Variants in PTPRD observed in about 807,000 individuals in gnomAD.
The protein encoded by PTPRD is protein tyrosine phosphatase receptor type D.
PTPRD carries 34 observed loss-of-function variants against 214.5 expected under a neutral mutation model. The ratio of observed to expected loss-of-function variants is 0.16; its 90% CI spans 0.12 to 0.21. The LOEUF is 0.21. PTPRD is among the 10% of genes least tolerant of loss of function. The probability of loss-of-function intolerance (pLI) is 1.00; values close to 1 mark genes in which losing one functional copy is unlikely to be tolerated. For synonymous variants in PTPRD, 1,128 were observed against 845.7 expected (o/e 1.33, Z -5.79); for missense variants, 2,545 against 2,398.7 (o/e 1.06, Z -1.27).
intron 14 of PTPRD, among the ~76,000 whole-genome samples, chr9:8,616,683 C>A (rs1370392045): frequency 1.3e-5 from 2 of 152,092 alleles, no homozygotes; most frequent in Non-Finnish European, 2.9e-5. Flanking sequence ...AAAGCTACTA[C>A]AATAGATACC....
At chr9:9,421,930 A>G (rs1484007723) in intron 8 of PTPRD, among the ~76,000 whole-genome samples, 3 of 152,122 alleles carry the variant, frequency 2.0e-5, no homozygotes, top group Admixed American at 2.0e-4. Flanking sequence ...ATGGAGAATA[A>G]AAAACAAACA....
chr9:9,344,380 G>A (rs920491559), intron 9 of PTPRD, among the ~76,000 whole-genome samples: 6 of 151,986 alleles, frequency 3.9e-5, no homozygotes, highest in African/African-American at 7.2e-5. Context: ...TAATGCATGC[G>A]GGGCTTAAAA....
intron 33 of PTPRD, among the ~76,000 whole-genome samples, chr9:8,451,250 T>C (rs546171049): frequency 2.0e-5 from 3 of 152,318 alleles, no homozygotes; most frequent in Admixed American, 6.5e-5. Flanking sequence ...CTATTAGACA[T>C]GTTGCTTTCT....
chr9:8,760,199 G>A (rs942252026), intron 11 of PTPRD, among the ~76,000 whole-genome samples: 1 of 152,130 alleles, frequency 6.6e-6, no homozygotes, highest in African/African-American at 2.4e-5. Context: ...CACCGCGCCT[G>A]GCCAGCCTAA....
chr9:10,507,747 T>C (rs1041770831), intron 2 of PTPRD, among the ~76,000 whole-genome samples: 7 of 152,140 alleles, frequency 4.6e-5, no homozygotes, highest in Non-Finnish European at 7.4e-5. Flanking sequence ...GCTAGCCATA[T>C]GTAGAAAGCT....
intron 35 of PTPRD, among the ~76,000 whole-genome samples, chr9:8,423,275 C>G (rs1415458457): frequency 6.6e-6 from 1 of 152,110 alleles, no homozygotes; most frequent in Non-Finnish European, 1.5e-5. Context: ...TTCATTTTAA[C>G]AGAACTAAAA....
intron 9 of PTPRD, among the ~76,000 whole-genome samples, chr9:9,378,823 A>G (rs1432326053): frequency 6.6e-6 from 1 of 152,060 alleles, no homozygotes; most frequent in Non-Finnish European, 1.5e-5. Context: ...TTGCTGATGT[A>G]TCCCTTAAAA....
At chr9:9,551,747 C>G (rs1471748950) in intron 8 of PTPRD, among the ~76,000 whole-genome samples, 1 of 151,900 alleles carries the variant, frequency 6.6e-6, no homozygotes, top group Non-Finnish European at 1.5e-5. Flanking sequence ...ATCTTAGAAC[C>G]CCACAAACTA....
In PTPRD at chr9:8,507,281, G is replaced by A; in HGVS notation, c.1677+20C>T. ...CCACGTAATGAATAATTCCCAAGGT[G>A]AGAAGCACTATAGTCTTACCTCCTC... On this transcript the variant is annotated intron_variant, in intron 22 of 45. Coordinates refer to ENST00000381196, the MANE Select transcript of PTPRD (RefSeq NM_002839.4). The A allele has an allele frequency of 6.2e-7, 1 of 1,607,712 alleles. No homozygotes were observed. The highest frequency in any genetic ancestry group is 8.5e-7 in the Non-Finnish European group (1 of 1,177,612).
chr9:10,064,973 T>A (rs2097848621), intron 3 of PTPRD, among the ~76,000 whole-genome samples: 1 of 151,940 alleles, frequency 6.6e-6, no homozygotes, highest in African/African-American at 2.4e-5. Context: ...GTCTATTCAG[T>A]CAATAGTGAT....
chr9:9,287,967 C>T (rs1950040329), intron 9 of PTPRD, among the ~76,000 whole-genome samples: 1 of 151,348 alleles, frequency 6.6e-6, no homozygotes. Context: ...TTTCCAAACA[C>T]TGAAGCAAAA....
At chr9:9,227,314 G>A (rs967855322) in intron 9 of PTPRD, among the ~76,000 whole-genome samples, 4 of 151,942 alleles carry the variant, frequency 2.6e-5, no homozygotes, top group South Asian at 2.1e-4. Flanking sequence ...TTATTTGCAC[G>A]GTATGGGAGA....
chr9:10,307,796 T>C (rs1397782178), intron 3 of PTPRD, among the ~76,000 whole-genome samples: 2 of 152,018 alleles, frequency 1.3e-5, no homozygotes, highest in African/African-American at 4.8e-5. Flanking sequence ...GTGGTTTGGG[T>C]TGGCATTTTT....
chr9:8,910,618 C>T (rs2098740491), intron 11 of PTPRD, among the ~76,000 whole-genome samples: 1 of 152,054 alleles, frequency 6.6e-6, no homozygotes, highest in African/African-American at 2.4e-5. Context: ...AATGTGCTCC[C>T]TCAACCTTGA....
intron 11 of PTPRD, among the ~76,000 whole-genome samples, chr9:8,934,465 A>ATATATATAAATT (rs1567099234): frequency 0.019 from 144 of 7,596 alleles, 9 homozygotes; most frequent in African/African-American, 0.064. Flanking sequence ...ATATATATAA[A>ATATATATAAATT]TATATATATA....
chr9:9,943,123 A>G (rs2091914130), intron 4 of PTPRD, among the ~76,000 whole-genome samples: 1 of 152,158 alleles, frequency 6.6e-6, no homozygotes, highest in Non-Finnish European at 1.5e-5. Context: ...ATATCGTAGT[A>G]CAATCAAACT....
chr9:9,954,959 C>T (rs986763807), intron 4 of PTPRD, among the ~76,000 whole-genome samples: 1 of 152,020 alleles, frequency 6.6e-6, no homozygotes, highest in Non-Finnish European at 1.5e-5. Flanking sequence ...ATAAAGATAC[C>T]ATTTCAGCTC....
intron 4 of PTPRD, among the ~76,000 whole-genome samples, chr9:9,992,850 A>G (rs1449691788): frequency 6.6e-6 from 1 of 152,010 alleles, no homozygotes; most frequent in African/African-American, 2.4e-5. Flanking sequence ...ACCCAATGTA[A>G]ATGACGAGTT....
intron 26 of PTPRD, among the ~76,000 whole-genome samples, chr9:8,494,809 T>C (rs2097225301): frequency 6.6e-6 from 1 of 152,190 alleles, no homozygotes; most frequent in Non-Finnish European, 1.5e-5. Flanking sequence ...ACTGCCACGG[T>C]CATATCCTTT....
Sources: allele counts gnomAD v4.1 joint callset (sites outside exome capture counted in the v4.1 genomes callset), GRCh38; gene constraint gnomAD v4.1.1; transcripts MANE v1.5; gene names NCBI Gene and HGNC (gene_info 2026-07-23, HGNC 2026-07-21).